The following PILRA variants were observed in gnomAD, a reference collection of about 807,000 sequenced individuals.
PILRA encodes paired immunoglobulin-like type 2 receptor alpha.
Under a neutral mutation model 33.1 loss-of-function variants are expected in PILRA, and 37 were observed. The observed-to-expected ratio is 1.12, with a 90% CI of 0.86 to 1.47. The LOEUF (loss-of-function observed/expected upper bound fraction) is 1.47. Among genes scored for constraint, PILRA ranks in the 40% most tolerant of loss-of-function variants. The probability of loss-of-function intolerance (pLI) is 0.00; values close to 1 mark genes in which losing one functional copy is unlikely to be tolerated. For synonymous variants in PILRA, 146 were observed against 149.9 expected (o/e 0.97, Z 0.19); for missense variants, 312 against 376.2 (o/e 0.83, Z 1.41).
chr7:100,392,799 T>C (rs150247716), intron 3 of PILRA, among the ~76,000 whole-genome samples: 61 of 152,292 alleles, frequency 4.0e-4, no homozygotes, highest in African/African-American at 1.4e-3. Context: ...AACTATTCAG[T>C]AGCCATCTGA....
At chr7:100,397,737 C>T (rs1396527102) in intron 3 of PILRA, 142 bp from the exon 4 acceptor site, 2 of 799,036 alleles carry the variant, frequency 2.5e-6, no homozygotes, top group Non-Finnish European at 4.2e-6. Context: ...AGTCCCAGGC[C>T]CTTCCTGATG....
chr7:100,371,434 C>A (rs984298221), upstream of PILRA, among the ~76,000 whole-genome samples: 1 of 151,916 alleles, frequency 6.6e-6, no homozygotes, highest in Non-Finnish European at 1.5e-5. Context: ...TATGGGATGT[C>A]GATTGGGATC....
intron 2 of PILRA, among the ~76,000 whole-genome samples, chr7:100,380,651 T>TA (rs1461559362): frequency 6.6e-6 from 1 of 151,970 alleles, no homozygotes; most frequent in Admixed American, 6.6e-5. Context: ...TCTGTCTCTA[T>TA]AAAAAAATAC....
rs1315572824 is a variant in PILRA at position 100,373,717 on chromosome 7, C to A, written c.61C>A (p.Pro21Thr). 6.2e-7 allele frequency: 1 copy of A among 1,613,080 alleles called. No homozygotes were observed. The highest frequency in any genetic ancestry group is 2.2e-5 in the East Asian group (1 of 44,882). The change falls in exon 1 of 7, where the codon CCT becomes ACT. Residue 21 changes from proline to threonine, a missense_variant. By Grantham distance (38) the Pro-to-Thr change is conservative (BLOSUM62 -1). Coordinates refer to ENST00000198536, the MANE Select transcript of PILRA (RefSeq NM_013439.3). ...PLLLPPAFLQ[P>T]SGSTGSGPSY... ...GCTGCTGCCGCCAGCATTTCTGCAG[C>A]CTAGTGAGTACCCAGGACCACCCAG...
At chr7:100,374,822 C>G in intron 2 of PILRA, 1 of 313,484 alleles carries the variant, frequency 3.2e-6, no homozygotes, top group Non-Finnish European at 6.3e-6. Flanking sequence ...TGTCATGTGT[C>G]TCTGTGTGGA....
intron 3 of PILRA, among the ~76,000 whole-genome samples, chr7:100,393,095 C>T (rs770223377): frequency 2.0e-5 from 3 of 152,098 alleles, no homozygotes; most frequent in Non-Finnish European, 2.9e-5. Flanking sequence ...GCCTGGTCAA[C>T]ATGGTGAAAC....
At chr7:100,372,804 T>C (rs1335887313), upstream of PILRA, among the ~76,000 whole-genome samples, 1 of 152,142 alleles carries the variant, frequency 6.6e-6, no homozygotes, top group Non-Finnish European at 1.5e-5. Flanking sequence ...GCTCCAGTCC[T>C]GTACCCACTA....
intron 3 of PILRA, among the ~76,000 whole-genome samples, chr7:100,391,113 G>C (rs969799801): frequency 1.4e-5 from 2 of 148,130 alleles, no homozygotes; most frequent in African/African-American, 5.0e-5. Flanking sequence ...CCAGGAGTTT[G>C]ATACCAACCT....
In PILRA at chr7:100,397,929, C is replaced by T. The variant is rs780837925; in HGVS notation, c.707+17C>T. 5.5e-5 allele frequency: 89 copies of T among 1,613,276 alleles called. No homozygotes were observed. The highest frequency in any genetic ancestry group is 4.4e-5 in the Non-Finnish European group (52 of 1,179,420). ...CCCAGCCAGGTGAGTGCTGGGCCTC[C>T]CCAGGGTGGGTTGGGGGGTGCATGT... On this transcript the variant is annotated intron_variant, in intron 4 of 6. Transcript: ENST00000198536.
At position 100,397,924 on chromosome 7, in the gene PILRA, G is replaced by C. The variant is rs1369704335; in HGVS notation, c.707+12G>C. 1 of 1,613,658 alleles carries C rather than the reference G, an allele frequency of 6.2e-7. No individual in the cohort carries two copies. The highest frequency in any genetic ancestry group is 1.3e-5 in the African/African-American group (1 of 74,900). On this transcript the variant is annotated intron_variant, in intron 4 of 6. Transcript: ENST00000198536. Reference sequence around the variant, plus strand: ...ACAACCCCAGCCAGGTGAGTGCTGGGCCTCCCCAGGGTGGGTTGGGGGGTG... The same window carrying C: ...ACAACCCCAGCCAGGTGAGTGCTGGCCCTCCCCAGGGTGGGTTGGGGGGTG...
chr7:100,397,850 A>T (rs1299883232), intron 3 of PILRA, 29 bp from the exon 4 acceptor site: 2 of 1,612,542 alleles, frequency 1.2e-6, no homozygotes, highest in African/African-American at 2.7e-5. Flanking sequence ...CCCGGATGCC[A>T]CCCTGACTCA....
intron 2 of PILRA, among the ~76,000 whole-genome samples, chr7:100,375,782 G>A (rs1402658938): frequency 3.3e-5 from 5 of 152,218 alleles, no homozygotes; most frequent in African/African-American, 1.2e-4. Flanking sequence ...ATGGTGAGCT[G>A]CAGAGCTTTC....
intron 2 of PILRA, among the ~76,000 whole-genome samples, chr7:100,384,493 T>C (rs990306503): frequency 3.3e-5 from 5 of 150,464 alleles, no homozygotes; most frequent in Non-Finnish European, 7.4e-5. Context: ...AGTGGCATGA[T>C]CTTGGCTCAC....
chr7:100,392,835 TCA>T (rs1791415856), intron 3 of PILRA, among the ~76,000 whole-genome samples: 1 of 152,090 alleles, frequency 6.6e-6, no homozygotes, highest in South Asian at 2.1e-4. Context: ...TCTCCTTACC[TCA>T]TAATTTGTAC....
chr7:100,399,425 CT>C (rs1791595832), intron 5 of PILRA, 85 bp downstream of exon 5: 2 of 1,395,346 alleles, frequency 1.4e-6, no homozygotes, highest in Non-Finnish European at 2.0e-6. Context: ...GTCCGTGCCC[CT>C]GTCAGTATTT....
intron 2 of PILRA, among the ~76,000 whole-genome samples, chr7:100,378,961 C>T (rs920392366): frequency 3.3e-5 from 5 of 151,506 alleles, no homozygotes; most frequent in South Asian, 2.1e-4. Context: ...GTTGTGGTGG[C>T]GAGCACCTGT....
intron 2 of PILRA, among the ~76,000 whole-genome samples, chr7:100,376,653 G>A (rs918049355): frequency 6.6e-6 from 1 of 150,694 alleles, no homozygotes; most frequent in African/African-American, 2.4e-5. Context: ...GCTAACACAG[G>A]GTTTCACCAT....
At chr7:100,396,235 C>T (rs1433001879) in intron 3 of PILRA, among the ~76,000 whole-genome samples, 2 of 152,210 alleles carry the variant, frequency 1.3e-5, no homozygotes, top group South Asian at 2.1e-4. Context: ...TATTGATACA[C>T]CCATGTTGAT....
chr7:100,373,551 C>T lies in PILRA; in HGVS notation c.-106C>T. 2 of 1,312,670 alleles carry T rather than the reference C, an allele frequency of 1.5e-6. No individual in the cohort carries two copies. Among genetic ancestry groups the T allele is most frequent in the Non-Finnish European group, 2.2e-6 (2 of 916,166 alleles). The allele number at this position is 1,312,670 out of a possible 1,614,324, so 81.3% of individuals were successfully genotyped here. A position where few individuals can be genotyped will look rare whatever the true frequency, so the allele number is the denominator to read the frequency against. ...CCACAGCCCTCTTCGGAGCCTGAGC[C>T]CGGCTCTCCTCACTCACCTCAACCC... On this transcript the variant is annotated 5_prime_UTR_variant, in exon 1 of 7. Transcript: ENST00000198536.
Sources: gnomAD v4.1 joint callset for allele counts (sites outside exome capture counted in the v4.1 genomes callset) on GRCh38, gnomAD v4.1.1 for gene constraint, MANE v1.5 for transcripts, NCBI Gene and HGNC (gene_info 2026-07-23, HGNC 2026-07-21) for gene names.